Variants in MYOM1 observed in about 807,000 individuals in gnomAD.
MYOM1 encodes the protein myomesin-1.
Under a neutral mutation model 205.3 loss-of-function variants are expected in MYOM1, and 164 were observed. The ratio of observed to expected loss-of-function variants is 0.80; its 90% CI spans 0.70 to 0.91. MYOM1 has a LOEUF of 0.91. MYOM1 is among the 40% of genes least tolerant of loss of function. The probability of loss-of-function intolerance (pLI) is 0.00; values close to 1 mark genes in which losing one functional copy is unlikely to be tolerated. For missense variants in MYOM1, 2,011 were observed against 2,127.3 expected, an observed-to-expected ratio of 0.95 and a Z score of 1.08; for synonymous variants, 772 against 789.4, an observed-to-expected ratio of 0.98 and a Z score of 0.37.
rs1347218814 is a variant in MYOM1 at position 3,083,784 on chromosome 18, C to T, written c.4484+5G>A. ...TACACAGCAAGTAAGTTCTCATTTA[C>T]TTACTTGTGGGACCAGTTAACTTTC... is the stretch of plus-strand genomic sequence containing the variant. On this transcript the variant is annotated splice_donor_5th_base_variant and intron_variant, in intron 33 of 37. Coordinates refer to ENST00000356443, the MANE Select transcript of MYOM1 (RefSeq NM_003803.4). The T allele has an allele frequency of 9.6e-6, 15 of 1,558,818 alleles. No individual in the cohort carries two copies. Among genetic ancestry groups the T allele is most frequent in the Non-Finnish European group, 1.3e-5 (15 of 1,149,834 alleles).
At chr18:3,155,219 A>C in intron 10 of MYOM1, 131 bp from the exon 11 acceptor site, 1 of 947,866 alleles carries the variant, frequency 1.1e-6, no homozygotes, top group Non-Finnish European at 1.5e-6. Context: ...AGCAAGCATC[A>C]AATCTTGCTA....
rs761231031 is a variant in MYOM1 at position 3,173,973 on chromosome 18, C to G, written c.1139G>C (p.Arg380Pro). 9 of 1,613,608 alleles carry G rather than the reference C, an allele frequency of 5.6e-6. No individual in the cohort carries two copies. The highest frequency in any genetic ancestry group is 7.6e-6 in the Non-Finnish European group (9 of 1,179,656). ...CATGGTGGAAGCCCCAGCGTGGAAG[C>G]GAGTCTCATCAAACTCTCCCTTATA... ...KRYKGEFDET[R>P]FHAGASTMPL... The change falls in exon 8 of 38, where the codon CGC (arginine) becomes CCC (proline). Residue 380 changes from arginine to proline, a missense_variant. Physicochemically the swap from Arg to Pro is moderately radical, Grantham distance 103 (BLOSUM62 -2). Transcript: ENST00000356443.
At chr18:3,088,128 A>G (rs904629471) in intron 29 of MYOM1, among the ~76,000 whole-genome samples, 1 of 152,140 alleles carries the variant, frequency 6.6e-6, no homozygotes, top group African/African-American at 2.4e-5. Context: ...GTTGCTCAGA[A>G]TCTGGGTATG....
At chr18:3,151,170 A>G (rs1197841516) in intron 12 of MYOM1, among the ~76,000 whole-genome samples, 1 of 151,728 alleles carries the variant, frequency 6.6e-6, no homozygotes, top group Non-Finnish European at 1.5e-5. Flanking sequence ...ACAGTCTAAT[A>G]TGAGAACTCA....
chr18:3,123,603 G>A (rs1389561368), intron 19 of MYOM1, among the ~76,000 whole-genome samples: 4 of 151,116 alleles, frequency 2.6e-5, no homozygotes, highest in African/African-American at 9.7e-5. Context: ...GAATTCTAAT[G>A]GGTTTAGTTG....
At position 3,129,448 on chromosome 18, in the gene MYOM1, G is replaced by GC. The variant is rs758381606; in HGVS notation, c.2577dup (p.Arg860AlafsTer4). ...GTTGGCGGGGAGGCTTCATGCACGC[G>GC]CCCCCTGGAGGCGGTTAGTCCACCA... On this transcript the variant is annotated frameshift_variant, in exon 18 of 38. Transcript: ENST00000356443. LOFTEE classifies it high-confidence loss of function. 90 of 1,613,786 alleles carry GC rather than the reference G, an allele frequency of 5.6e-5. 1 individual carries two copies. The South Asian group carries it at 9.4e-4, about 17-fold the overall frequency.
chr18:3,144,470 T>A (rs954974132), intron 13 of MYOM1, among the ~76,000 whole-genome samples: 3 of 152,110 alleles, frequency 2.0e-5, no homozygotes, highest in African/African-American at 7.2e-5. Context: ...TTGATTTAAA[T>A]CCAACCATAT....
intron 3 of MYOM1, among the ~76,000 whole-genome samples, chr18:3,191,000 G>A (rs905847908): frequency 6.6e-6 from 1 of 152,032 alleles, no homozygotes; most frequent in Non-Finnish European, 1.5e-5. Flanking sequence ...TATTTCACAC[G>A]AGAACTCAAC....
At chr18:3,102,092 T>C (rs902818358) in intron 23 of MYOM1, among the ~76,000 whole-genome samples, 2 of 146,152 alleles carry the variant, frequency 1.4e-5, no homozygotes, top group Admixed American at 7.0e-5. Context: ...AGCTCCGCCT[T>C]CCGGGTTCAC....
At chr18:3,151,103 C>T (rs1376112651) in intron 12 of MYOM1, among the ~76,000 whole-genome samples, 1 of 150,430 alleles carries the variant, frequency 6.6e-6, no homozygotes, top group Non-Finnish European at 1.5e-5. Context: ...TTAGCCTCTC[C>T]AAGTGCTGGG....
chr18:3,188,453 C>CTAAAAAA (rs1465743943), intron 4 of MYOM1, among the ~76,000 whole-genome samples: 1 of 129,962 alleles, frequency 7.7e-6, no homozygotes, highest in Non-Finnish European at 1.6e-5. Flanking sequence ...CCCACCTCTA[C>CTAAAAAA]CAGAAAAAAA....
At chr18:3,240,428 C>T in the MYOM1 span, among the ~76,000 whole-genome samples, 1,431 of 152,194 alleles carry the variant, frequency 9.4e-3, 21 homozygotes, top group African/African-American at 0.033. Context: ...ATAACTCTGA[C>T]GAGATCTGAT....
chr18:3,241,319 A>G, the MYOM1 span, among the ~76,000 whole-genome samples: 1 of 152,150 alleles, frequency 6.6e-6, no homozygotes, highest in African/African-American at 2.4e-5. Flanking sequence ...CAGGGTCCCT[A>G]TGCTGCAGGC....
intron 29 of MYOM1, among the ~76,000 whole-genome samples, chr18:3,088,365 C>T (rs149643095): frequency 1.7e-4 from 26 of 152,210 alleles, no homozygotes; most frequent in African/African-American, 2.9e-4. Flanking sequence ...TTTCAAGCAG[C>T]GTTGCCATTT....
chr18:3,090,409 G>A (rs566287353), intron 27 of MYOM1, among the ~76,000 whole-genome samples: 5 of 151,760 alleles, frequency 3.3e-5, no homozygotes, highest in South Asian at 2.1e-4. Context: ...TAATAGAGGC[G>A]GGGTTTCACC....
At chr18:3,240,163 C>G in the MYOM1 span, among the ~76,000 whole-genome samples, 2 of 152,158 alleles carry the variant, frequency 1.3e-5, no homozygotes, top group African/African-American at 2.4e-5. Context: ...TTAATCACTA[C>G]GTTTATTCAT....
chr18:3,127,238 A>G (rs1213953451), intron 18 of MYOM1, among the ~76,000 whole-genome samples: 2 of 144,548 alleles, frequency 1.4e-5, no homozygotes, highest in African/African-American at 5.1e-5. Flanking sequence ...TGAAAATGGA[A>G]TGTGTATATC....
chr18:3,164,657 C>T (rs1040539953), intron 9 of MYOM1, among the ~76,000 whole-genome samples: 4 of 152,068 alleles, frequency 2.6e-5, no homozygotes, highest in African/African-American at 9.7e-5. Context: ...TCCGCAGGGG[C>T]CTCGTGTAAA....
In MYOM1 at chr18:3,142,304, C is replaced by T. The variant is rs144877697; in HGVS notation, c.1901-241G>A. 2.4e-3 allele frequency among the ~76,000 whole-genome samples: 366 copies of T among 152,220 alleles called. 1 individual carries two copies. Among genetic ancestry groups the T allele is most frequent in the African/African-American group, 8.4e-3 (348 of 41,518 alleles). Reference sequence around the variant, plus strand: ...GGGGGAAGGGTTTCACTCTATCACCCACGCTGGCATGCAGTGGTGCAATTA... The same window carrying T: ...GGGGGAAGGGTTTCACTCTATCACCTACGCTGGCATGCAGTGGTGCAATTA... On this transcript the variant is annotated intron_variant, in intron 13 of 37. Transcript: ENST00000356443.
Sources: allele counts gnomAD v4.1 joint callset (sites outside exome capture counted in the v4.1 genomes callset), GRCh38; gene constraint gnomAD v4.1.1; transcripts MANE v1.5; gene names NCBI Gene and HGNC (gene_info 2026-07-23, HGNC 2026-07-21).